Variants in GTF2IRD2B observed in about 807,000 individuals in gnomAD.
GTF2IRD2B encodes GTF2I repeat domain containing 2B, also known as general transcription factor II-I repeat domain-containing protein 2B.
In GTF2IRD2B, 10 loss-of-function variants were observed where a neutral mutation model predicts 55.6. The ratio of observed to expected loss-of-function variants is 0.18; its 90% CI spans 0.11 to 0.31. The LOEUF is 0.31. Ranked by LOEUF, GTF2IRD2B falls within the 10% of genes least tolerant of loss-of-function variation. The pLI is 1.00. For missense variants in GTF2IRD2B, 206 were observed against 802.7 expected (o/e 0.26, Z 8.98); for synonymous variants, 107 against 320.5 (o/e 0.33, Z 7.12).
At position 75,148,366 on chromosome 7, in the gene GTF2IRD2B, C is replaced by T. The variant is rs202112649; in HGVS notation, c.1919C>T (p.Ala640Val). 6 of 1,611,758 alleles carry T rather than the reference C, an allele frequency of 3.7e-6. No individual in the cohort carries two copies. The highest frequency in any genetic ancestry group is 2.2e-5 in the East Asian group (1 of 44,824). ...GTCACAAAACTGAAGTCCAGGGTGG[C>T]GACGTTCTGCAAGGGTGCGGAACTG... ...GLVTKLKSRVATFCKGAELKS... is the reference protein window; with the variant it reads ...GLVTKLKSRVVTFCKGAELKS... The change falls in exon 16 of 16, where the codon GCG (alanine) becomes GTG (valine). Residue 640 changes from alanine (A) to valine (V), a missense_variant. By Grantham distance (64) the Ala-to-Val change is moderately conservative. Transcript: ENST00000472837.
intron 1 of GTF2IRD2B, among the ~76,000 whole-genome samples, chr7:75,106,958 A>G (rs1278527970): frequency 6.6e-6 from 1 of 151,346 alleles, no homozygotes; most frequent in Non-Finnish European, 1.5e-5. Flanking sequence ...TAAAAAAAAA[A>G]AAAAATCTTG....
chr7:75,109,348 T>G (rs1486985680), intron 2 of GTF2IRD2B, among the ~76,000 whole-genome samples: 2 of 138,932 alleles, frequency 1.4e-5, no homozygotes, highest in African/African-American at 2.6e-5. Flanking sequence ...TAATTTTTGT[T>G]TTTTTTTTGA....
chr7:75,114,321 A>G (rs1329199961), intron 3 of GTF2IRD2B, among the ~76,000 whole-genome samples: 3 of 151,588 alleles, frequency 2.0e-5, no homozygotes, highest in African/African-American at 7.3e-5. Flanking sequence ...TTACTTGTAG[A>G]TTTTTTTAAG....
intron 3 of GTF2IRD2B, among the ~76,000 whole-genome samples, chr7:75,115,797 A>T (rs190035801): frequency 0.03 from 4,572 of 151,382 alleles, 31 homozygotes; most frequent in African/African-American, 0.065. Flanking sequence ...TTTGATGGGG[A>T]TTGCAATAAT....
At chr7:75,145,759 C>G (rs1809128832) in intron 15 of GTF2IRD2B, among the ~76,000 whole-genome samples, 1 of 142,268 alleles carries the variant, frequency 7.0e-6, no homozygotes, top group African/African-American at 2.6e-5. Flanking sequence ...GAAAAGAAAA[C>G]CAAAGTATCC....
intron 1 of GTF2IRD2B, among the ~76,000 whole-genome samples, chr7:75,104,916 T>C (rs1311128479): frequency 6.6e-6 from 1 of 152,260 alleles, no homozygotes; most frequent in Non-Finnish European, 1.5e-5. Flanking sequence ...CAATACCGGC[T>C]GGGCGCGGTG....
chr7:75,121,404 A>G (rs1808360267), intron 4 of GTF2IRD2B, among the ~76,000 whole-genome samples: 1 of 150,888 alleles, frequency 6.6e-6, no homozygotes, highest in South Asian at 2.1e-4. Flanking sequence ...TGCCATGACT[A>G]CTTAGAATGT....
Position 75,147,133 on chromosome 7 carries a change from T to A in GTF2IRD2B, c.1247-561T>A, listed in dbSNP as rs587707914. 8.9e-4 allele frequency among the ~76,000 whole-genome samples: 135 copies of A among 150,970 alleles called. 1 individual carries two copies. In the South Asian group the frequency reaches 0.01, roughly 11 times the overall value. Reference sequence around the variant, plus strand: ...TAAAGGTCAATCTTCAGGTTTTCTTTAGAAAACCTGAAGATCTGGCTGGGT... The same window carrying A: ...TAAAGGTCAATCTTCAGGTTTTCTTAAGAAAACCTGAAGATCTGGCTGGGT... On this transcript the variant is annotated intron_variant, in intron 15 of 15. Transcript: ENST00000472837.
At chr7:75,114,042 G>T (rs1376150636) in intron 3 of GTF2IRD2B, among the ~76,000 whole-genome samples, 2 of 149,364 alleles carry the variant, frequency 1.3e-5, no homozygotes, top group Non-Finnish European at 3.0e-5. Flanking sequence ...GGATAGATAA[G>T]GGAGACAGGA....
chr7:75,114,602 C>T (rs1808080342), intron 3 of GTF2IRD2B, among the ~76,000 whole-genome samples: 1 of 151,598 alleles, frequency 6.6e-6, no homozygotes, highest in Admixed American at 6.6e-5. Context: ...CTCTAGGAGC[C>T]ACCAGTGTCT....
chr7:75,120,141 G>A (rs1188537309), intron 3 of GTF2IRD2B, among the ~76,000 whole-genome samples: 2 of 106,918 alleles, frequency 1.9e-5, no homozygotes, highest in African/African-American at 5.0e-5. Context: ...AAAAAAAAAA[G>A]AAGAAAGAAA....
At chr7:75,092,862 G>C (rs1293949879) in intron 1 of GTF2IRD2B, 97 bp downstream of exon 1, 1 of 152,840 alleles carries the variant, frequency 6.5e-6, no homozygotes, top group East Asian at 1.9e-4. Context: ...GGGGAAGGGA[G>C]GCCGCCCGGC....
intron 1 of GTF2IRD2B, among the ~76,000 whole-genome samples, chr7:75,105,671 G>T (rs1349305580): frequency 6.6e-6 from 1 of 152,422 alleles, no homozygotes; most frequent in South Asian, 2.1e-4. Flanking sequence ...ATAACTCTAA[G>T]GGATCCTCGA....
intron 8 of GTF2IRD2B, among the ~76,000 whole-genome samples, chr7:75,129,755 GAAAAGAAA>G (rs1465865675): frequency 9.4e-5 from 14 of 148,462 alleles, no homozygotes; most frequent in African/African-American, 3.2e-4. Flanking sequence ...GTCTCAAAAA[GAAAAGAAA>G]AAAAGAAAAA....
chr7:75,112,621 A>G lies in GTF2IRD2B; in HGVS notation c.238+86A>G, dbSNP rs1271951217. The G allele has an allele frequency of 7.2e-6, 9 of 1,255,508 alleles. No homozygotes were observed. In the Admixed American group the frequency reaches 1.4e-4, roughly 20 times the overall value. The allele number at this position is 1,255,508 out of a possible 1,614,324, so 77.8% of individuals were successfully genotyped here. ...CCACAGTATTTTCTTCTAAGCTATC[A>G]TAAGCATTCTCCTAGAAACGATCCT... is the stretch of plus-strand genomic sequence containing the variant. On this transcript the variant is annotated intron_variant, in intron 3 of 15. Transcript: ENST00000472837.
chr7:75,132,548 C>CTTCTT (rs1563098175), intron 8 of GTF2IRD2B, among the ~76,000 whole-genome samples: 1 of 85,316 alleles, frequency 1.2e-5, no homozygotes, highest in Non-Finnish European at 2.2e-5. Flanking sequence ...CTCCTTCCTT[C>CTTCTT]TTTTTTTTTT....
In GTF2IRD2B at chr7:75,149,318, G is replaced by C; in HGVS notation, c.*21G>C. 1 of 733,094 alleles carries C rather than the reference G, an allele frequency of 1.4e-6. No individual in the cohort carries two copies. Among genetic ancestry groups the C allele is most frequent in the Non-Finnish European group, 2.5e-6 (1 of 400,140 alleles). 45.4% of individuals were successfully genotyped at this position (733,094 alleles called of 1,614,324 possible). ...CGTGATGGAGAGAAAACTCCTGGCA[G>C]GGCCCTATGGTGGGAAAGGCTGGAG... On this transcript the variant is annotated 3_prime_UTR_variant, in exon 16 of 16. Coordinates refer to ENST00000472837, the MANE Select transcript of GTF2IRD2B (RefSeq NM_001003795.3).
chr7:75,105,402 G>T (rs1287865946), intron 1 of GTF2IRD2B, among the ~76,000 whole-genome samples: 11 of 152,414 alleles, frequency 7.2e-5, no homozygotes, highest in Admixed American at 6.5e-4. Context: ...TACTCGGGGG[G>T]TTGAGGCAGG....
chr7:75,093,518 C>T (rs1807333972), intron 1 of GTF2IRD2B, among the ~76,000 whole-genome samples: 1 of 152,238 alleles, frequency 6.6e-6, no homozygotes, highest in African/African-American at 2.4e-5. Context: ...TTTCAGCACC[C>T]GAGGAGAAGA....
Sources: allele counts gnomAD v4.1 joint callset (sites outside exome capture counted in the v4.1 genomes callset), GRCh38; gene constraint gnomAD v4.1.1; transcripts MANE v1.5; gene names NCBI Gene and HGNC (gene_info 2026-07-23, HGNC 2026-07-21).